Variants in ST3GAL1 observed in about 807,000 individuals in gnomAD.
The protein encoded by ST3GAL1 is CMP-N-acetylneuraminate-beta-galactosamide-alpha-2,3-sialyltransferase 1.
Under a neutral mutation model 34.1 loss-of-function variants are expected in ST3GAL1, and 16 were observed. That is an observed-to-expected ratio of 0.47 (90% confidence interval 0.32 to 0.71). ST3GAL1 has a LOEUF of 0.71. Among genes scored for constraint, ST3GAL1 ranks in the 30% least tolerant of loss-of-function variants. ST3GAL1 has a pLI of 0.04. For missense variants in ST3GAL1, 353 were observed against 447.4 expected, an observed-to-expected ratio of 0.79 and a Z score of 1.90; for synonymous variants, 191 against 184.7, an observed-to-expected ratio of 1.03 and a Z score of -0.28.
rs367677997 is a variant in ST3GAL1 at position 133,513,753 on chromosome 8, G to A, written c.-428-14564C>T. ...TACTAAAAATACAAAAATAAAAATA[G>A]CCAGGCGTGGTGACTTGCGCCTATA... On this transcript the variant is annotated intron_variant, in intron 2 of 9. Coordinates refer to ENST00000522652, the MANE Select transcript of ST3GAL1 (RefSeq NM_173344.3). Among the ~76,000 whole-genome samples the A allele has an allele frequency of 1.6e-3, 244 of 152,152 alleles. 1 individual carries two copies. The highest frequency in any genetic ancestry group is 5.5e-3 in the African/African-American group (230 of 41,514).
chr8:133,492,297 T>C (rs1563711917), intron 3 of ST3GAL1, among the ~76,000 whole-genome samples: 1 of 152,140 alleles, frequency 6.6e-6, no homozygotes, highest in Non-Finnish European at 1.5e-5. Flanking sequence ...TGGAGATGGC[T>C]GGGGAAGAAA....
At chr8:133,471,764 G>A (rs890314583) in intron 5 of ST3GAL1, among the ~76,000 whole-genome samples, 3 of 152,034 alleles carry the variant, frequency 2.0e-5, no homozygotes, top group Non-Finnish European at 4.4e-5. Flanking sequence ...GGAAAGCTGG[G>A]CCCAGGACCT....
chr8:133,475,577 C>T (rs922429555), intron 5 of ST3GAL1, 142 bp downstream of exon 5: 3 of 1,008,774 alleles, frequency 3.0e-6, no homozygotes, highest in African/African-American at 3.3e-5. Context: ...ACTCTCATTA[C>T]CAGACCCCTA....
At chr8:133,567,927 T>G (rs982061049) in intron 1 of ST3GAL1, among the ~76,000 whole-genome samples, 5 of 31,744 alleles carry the variant, frequency 1.6e-4, no homozygotes, top group Middle Eastern at 0.015. Flanking sequence ...TTGCTCTCTT[T>G]TTTTTTTTTT....
Position 133,466,580 on chromosome 8 carries a change from C to T in ST3GAL1, c.307-490G>A, listed in dbSNP as rs911484895. 1.3e-5 allele frequency among the ~76,000 whole-genome samples: 2 copies of T among 152,194 alleles called. No individual in the cohort carries two copies. The highest frequency in any genetic ancestry group is 6.5e-5 in the Admixed American group (1 of 15,288). On this transcript the variant is annotated intron_variant, in intron 5 of 9. Transcript: ENST00000522652. The surrounding 1 kb of genome is among the most constrained non-coding windows in gnomAD (Gnocchi z 4.4). ...CCAGGGCCCAGGGGTTGCGTGCTCC[C>T]GCTCAAGCCTTAACAAGAAGAGCGA...
intron 2 of ST3GAL1, among the ~76,000 whole-genome samples, chr8:133,530,188 T>C (rs2131042954): frequency 6.6e-6 from 1 of 152,200 alleles, no homozygotes; most frequent in East Asian, 1.9e-4. Context: ...CAGAATGCCT[T>C]CCAGGTGAGC....
At chr8:133,550,530 A>G (rs891973100) in intron 1 of ST3GAL1, among the ~76,000 whole-genome samples, 1 of 152,228 alleles carries the variant, frequency 6.6e-6, no homozygotes, top group East Asian at 1.9e-4. Context: ...CCCGGGGTTC[A>G]GTGTTCTTCC....
chr8:133,521,071 G>T (rs187821771), intron 2 of ST3GAL1, among the ~76,000 whole-genome samples: 28 of 132,352 alleles, frequency 2.1e-4, no homozygotes, highest in African/African-American at 8.3e-4. Flanking sequence ...TCCTGCCTCA[G>T]CCTCCCAAGT....
chr8:133,530,286 A>AT (rs150108560), intron 2 of ST3GAL1, among the ~76,000 whole-genome samples: 41,970 of 116,542 alleles, frequency 0.36, 6,711 homozygotes, highest in Middle Eastern at 0.46. Flanking sequence ...CTTTATTTTT[A>AT]TTTTTTTTTT....
At chr8:133,541,238 G>A (rs1173523574) in intron 2 of ST3GAL1, among the ~76,000 whole-genome samples, 2 of 150,484 alleles carry the variant, frequency 1.3e-5, no homozygotes, top group Non-Finnish European at 3.0e-5. Flanking sequence ...GCTCAGAAAT[G>A]TTTGTCAATG....
intron 2 of ST3GAL1, among the ~76,000 whole-genome samples, chr8:133,516,715 T>C (rs1817658980): frequency 6.6e-6 from 1 of 152,208 alleles, no homozygotes; most frequent in Non-Finnish European, 1.5e-5. Flanking sequence ...GCCAGCCCAA[T>C]GTCACAGCTA....
intron 3 of ST3GAL1, among the ~76,000 whole-genome samples, chr8:133,494,675 C>T (rs1237907546): frequency 6.6e-6 from 1 of 152,166 alleles, no homozygotes; most frequent in Non-Finnish European, 1.5e-5. Flanking sequence ...CCTGCCTACT[C>T]TCTGATTCCA....
At chr8:133,478,562 T>G (rs1816265549) in intron 3 of ST3GAL1, among the ~76,000 whole-genome samples, 1 of 152,202 alleles carries the variant, frequency 6.6e-6, no homozygotes, top group South Asian at 2.1e-4. Context: ...ATTTGTAACT[T>G]GAAGCAATGT....
At chr8:133,545,079 A>T (rs752866826) in intron 2 of ST3GAL1, among the ~76,000 whole-genome samples, 1 of 152,252 alleles carries the variant, frequency 6.6e-6, no homozygotes, top group Non-Finnish European at 1.5e-5. Flanking sequence ...TACTAAGCAC[A>T]TGAACTGTGA....
intron 2 of ST3GAL1, among the ~76,000 whole-genome samples, chr8:133,509,754 C>G (rs1817450204): frequency 6.6e-6 from 1 of 152,078 alleles, no homozygotes; most frequent in Non-Finnish European, 1.5e-5. Flanking sequence ...TGAATGTAAC[C>G]CAGCAAAAAT....
rs1586576761 is a variant in ST3GAL1 at position 133,458,059 on chromosome 8, C to T, written c.*1705G>A. The T allele has an allele frequency of 6.6e-6, 1 of 152,250 alleles. No homozygotes were observed. Among genetic ancestry groups the T allele is most frequent in the Admixed American group, 6.5e-5 (1 of 15,288 alleles). 9.4% of individuals were successfully genotyped at this position (152,250 alleles called of 1,614,324 possible). On this transcript the variant is annotated 3_prime_UTR_variant, in exon 10 of 10. Transcript: ENST00000522652. ...AAGGTTTCACGGAGTTTTGGAGACT[C>T]CTAGCCTGAGAATAAATCCAAGTCC...
At chr8:133,527,781 C>T (rs1689886845) in intron 2 of ST3GAL1, among the ~76,000 whole-genome samples, 1 of 152,178 alleles carries the variant, frequency 6.6e-6, no homozygotes, top group Admixed American at 6.5e-5. Context: ...GCAAGGTCTC[C>T]ACCTACCCCA....
chr8:133,537,995 C>T (rs1818355408), intron 2 of ST3GAL1, among the ~76,000 whole-genome samples: 1 of 152,164 alleles, frequency 6.6e-6, no homozygotes, highest in Non-Finnish European at 1.5e-5. Flanking sequence ...GCGTCTTCTG[C>T]TCCATTTTAC....
rs1586655354 is a variant in ST3GAL1, at chr8:133,541,167, C to CT, written c.-429+4606_-429+4607insA. Among the ~76,000 whole-genome samples the CT allele has an allele frequency of 2.9e-4, 14 of 48,644 alleles. No homozygotes were observed. In the East Asian group the frequency reaches 5.9e-3, roughly 20 times the overall value. The allele number at this position is 48,644 out of a possible 152,430, so 31.9% of individuals were successfully genotyped here. ...GAGAGAGAGAGACTGTGTGTCTCTC[C>CT]CTCTTTCTCACCCCTAGCTAGGATC... On this transcript the variant is annotated intron_variant, in intron 2 of 9. Coordinates refer to ENST00000522652, the MANE Select transcript of ST3GAL1 (RefSeq NM_173344.3).
Sources: allele counts gnomAD v4.1 joint callset (sites outside exome capture counted in the v4.1 genomes callset), GRCh38; gene constraint gnomAD v4.1.1; non-coding constraint Gnocchi (gnomAD v3.1); transcripts MANE v1.5; gene names NCBI Gene and HGNC (gene_info 2026-07-23, HGNC 2026-07-21).